MAPKAPK2: variants seen among roughly 807,000 people sequenced by gnomAD.
The protein encoded by MAPKAPK2 is MAP kinase-activated protein kinase 2.
A neutral mutation model predicts 48.8 loss-of-function variants in MAPKAPK2; 9 were observed. The observed-to-expected ratio is 0.18, with a 90% CI of 0.11 to 0.32. The LOEUF is 0.32. MAPKAPK2 is among the 10% of genes least tolerant of loss of function. The pLI, the probability that MAPKAPK2 is intolerant of heterozygous loss-of-function variation, is 1.00. For synonymous variants in MAPKAPK2, 202 were observed against 190.6 expected, an observed-to-expected ratio of 1.06 and a Z score of -0.49; for missense variants, 331 against 498.3, an observed-to-expected ratio of 0.66 and a Z score of 3.20.
At chr1:206,696,059 G>T in intron 1 of MAPKAPK2, 1 of 944,146 alleles carries the variant, frequency 1.1e-6, no homozygotes, top group Non-Finnish European at 1.8e-6. Flanking sequence ...AGCAGCATGT[G>T]GTGAGGATTC....
rs1673967885 is a variant in MAPKAPK2 at position 206,732,769 on chromosome 1, A to T, written c.*51A>T. On this transcript the variant is annotated 3_prime_UTR_variant, in exon 10 of 10. Transcript: ENST00000367103. The surrounding 1 kb of genome is among the most constrained non-coding windows in gnomAD (Gnocchi z 4.4). ...AGGACAAGCAATAACTCTCTACAGG[A>T]ATATATTTTTTAAACGAAGAGACAG... 1 of 1,598,672 alleles carries T rather than the reference A, an allele frequency of 6.3e-7. No homozygotes were observed. Among genetic ancestry groups the T allele is most frequent in the Non-Finnish European group, 8.5e-7 (1 of 1,170,562 alleles).
chr1:206,697,496 G>C (rs559233087), intron 1 of MAPKAPK2, among the ~76,000 whole-genome samples: 7 of 152,048 alleles, frequency 4.6e-5, no homozygotes, highest in Non-Finnish European at 5.9e-5. Context: ...GAAGTTGAAG[G>C]GGGAGCAGGC....
chr1:206,703,486 G>A (rs1672860994), intron 1 of MAPKAPK2, among the ~76,000 whole-genome samples: 1 of 152,136 alleles, frequency 6.6e-6, no homozygotes, highest in Non-Finnish European at 1.5e-5. Flanking sequence ...GAGAGCAGGT[G>A]GGAGGTGCTT....
intron 1 of MAPKAPK2, among the ~76,000 whole-genome samples, chr1:206,706,544 G>T (rs1241963754): frequency 1.3e-5 from 2 of 152,134 alleles, no homozygotes; most frequent in African/African-American, 4.8e-5. Context: ...TCTGACCCCC[G>T]TGGGCTTGCT....
intron 5 of MAPKAPK2, 31 bp downstream of exon 5, chr1:206,730,129 CT>C (rs1304680383): frequency 6.2e-6 from 10 of 1,613,180 alleles, no homozygotes; most frequent in East Asian, 2.2e-5. Context: ...GGGACCTAGG[CT>C]TTTCCCAGAA....
At chr1:206,730,542 G>A (rs1273368321) in intron 5 of MAPKAPK2, 146 bp from the exon 6 acceptor site, 3 of 693,274 alleles carry the variant, frequency 4.3e-6, no homozygotes, top group African/African-American at 3.5e-5. Flanking sequence ...TCCCTGGGCT[G>A]GGCTTTGGCT....
intron 1 of MAPKAPK2, chr1:206,695,871 G>C (rs1327634576): frequency 3.6e-6 from 2 of 555,270 alleles, no homozygotes; most frequent in African/African-American, 3.8e-5. Flanking sequence ...GGTGCTGTCA[G>C]AGGGGTTGGG....
chr1:206,709,844 C>T (rs1553429187), intron 1 of MAPKAPK2, among the ~76,000 whole-genome samples: 1 of 152,140 alleles, frequency 6.6e-6, no homozygotes, highest in African/African-American at 2.4e-5. Context: ...CTGGCCTCTA[C>T]CCACTTGATG....
intron 1 of MAPKAPK2, among the ~76,000 whole-genome samples, chr1:206,688,784 G>A (rs1672364215): frequency 6.6e-6 from 1 of 152,028 alleles, no homozygotes; most frequent in South Asian, 2.1e-4. Flanking sequence ...ACAGGCGCCC[G>A]TCACCATGCC....
At chr1:206,722,088 C>T (rs1188138659) in intron 1 of MAPKAPK2, among the ~76,000 whole-genome samples, 34 of 148,192 alleles carry the variant, frequency 2.3e-4, no homozygotes, top group Admixed American at 7.5e-4. Flanking sequence ...AGGCCAGGCA[C>T]GGTGGCTCAT....
At chr1:206,730,290 A>C (rs1553432456) in intron 5 of MAPKAPK2, among the ~76,000 whole-genome samples, 192 bp downstream of exon 5, 1 of 152,222 alleles carries the variant, frequency 6.6e-6, no homozygotes, top group Non-Finnish European at 1.5e-5. Flanking sequence ...ATTGTAGGAA[A>C]GGATCTGCTG....
chr1:206,698,516 A>G (rs573256407), intron 1 of MAPKAPK2, among the ~76,000 whole-genome samples: 50 of 152,342 alleles, frequency 3.3e-4, no homozygotes, highest in African/African-American at 1.2e-3. Context: ...AGACTTTGAT[A>G]CAATATAACA....
intron 1 of MAPKAPK2, among the ~76,000 whole-genome samples, chr1:206,701,190 C>T (rs1553427852): frequency 1.3e-5 from 2 of 152,184 alleles, no homozygotes; most frequent in African/African-American, 4.8e-5. Flanking sequence ...TACAGAAGCT[C>T]TCTTTCACGA....
intron 1 of MAPKAPK2, among the ~76,000 whole-genome samples, chr1:206,694,101 G>A (rs1017840340): frequency 6.6e-6 from 1 of 152,264 alleles, no homozygotes; most frequent in South Asian, 2.1e-4. Context: ...ACTGGGCAGA[G>A]TCTGACATTG....
intron 1 of MAPKAPK2, among the ~76,000 whole-genome samples, chr1:206,688,786 C>T (rs1455565903): frequency 1.3e-5 from 2 of 152,134 alleles, no homozygotes; most frequent in Non-Finnish European, 2.9e-5. Context: ...AGGCGCCCGT[C>T]ACCATGCCCG....
In MAPKAPK2 at chr1:206,729,856, G is replaced by T. The variant is rs1392311423; in HGVS notation, c.565-116G>T. The T allele has an allele frequency of 6.7e-6, 9 of 1,343,970 alleles. No homozygotes were observed. The African/African-American group carries it at 1.2e-4, about 17-fold the overall frequency. The allele number at this position is 1,343,970 out of a possible 1,614,324, so 83.3% of individuals were successfully genotyped here. A position where few individuals can be genotyped will look rare whatever the true frequency, so the allele number is the denominator to read the frequency against. ...ACTCCTCGTGGTGGGCAGTGCCCAG[G>T]ATAGGCAAATGGTTGCTGGATGAGT... On this transcript the variant is annotated intron_variant, in intron 4 of 9. Coordinates refer to ENST00000367103, the MANE Select transcript of MAPKAPK2 (RefSeq NM_032960.4).
chr1:206,703,882 G>A (rs1372094079), intron 1 of MAPKAPK2, among the ~76,000 whole-genome samples: 1 of 152,234 alleles, frequency 6.6e-6, no homozygotes, highest in African/African-American at 2.4e-5. Flanking sequence ...CTTCAGAGCA[G>A]GGGCAGCCTG....
chr1:206,701,400 C>T (rs2102386078), intron 1 of MAPKAPK2, among the ~76,000 whole-genome samples: 1 of 152,192 alleles, frequency 6.6e-6, no homozygotes, highest in South Asian at 2.1e-4. Context: ...TTAGACAATG[C>T]AAGATTCTGA....
At chr1:206,709,973 G>A (rs576372826) in intron 1 of MAPKAPK2, among the ~76,000 whole-genome samples, 1 of 152,178 alleles carries the variant, frequency 6.6e-6, no homozygotes, top group Non-Finnish European at 1.5e-5. Flanking sequence ...TATTCCCAAG[G>A]TGTAGAGCTT....
Sources: allele counts gnomAD v4.1 joint callset (sites outside exome capture counted in the v4.1 genomes callset), GRCh38; gene constraint gnomAD v4.1.1; non-coding constraint Gnocchi (gnomAD v3.1); transcripts MANE v1.5; gene names NCBI Gene and HGNC (gene_info 2026-07-23, HGNC 2026-07-21).